The following PACRG variants were observed in gnomAD, a reference collection of about 807,000 sequenced individuals.
The protein encoded by PACRG is parkin coregulated gene protein.
Under a neutral mutation model 29.7 loss-of-function variants are expected in PACRG, and 29 were observed. That is an observed-to-expected ratio of 0.98 (90% CI 0.73 to 1.33). The LOEUF is 1.33. Among genes scored for constraint, PACRG ranks in the 40% most tolerant of loss-of-function variants. The probability of loss-of-function intolerance (pLI) is 0.00; values close to 1 mark genes in which losing one functional copy is unlikely to be tolerated. For missense variants in PACRG, 279 were observed against 316.2 expected, an observed-to-expected ratio of 0.88 and a Z score of 0.89; for synonymous variants, 116 against 118.7, an observed-to-expected ratio of 0.98 and a Z score of 0.15.
At chr6:162,863,491 T>G (rs948311187) in intron 2 of PACRG, among the ~76,000 whole-genome samples, 9 of 152,342 alleles carry the variant, frequency 5.9e-5, no homozygotes, top group African/African-American at 2.2e-4. Context: ...AAAGGTAAAC[T>G]TGTCTCCTTT....
intron 2 of PACRG, among the ~76,000 whole-genome samples, chr6:163,024,262 G>T (rs1490458470): frequency 6.6e-6 from 1 of 152,070 alleles, no homozygotes; most frequent in Non-Finnish European, 1.5e-5. Context: ...GAAAGATAGG[G>T]GTCCAGATTC....
intron 1 of PACRG, among the ~76,000 whole-genome samples, chr6:162,804,842 T>G (rs749629874): frequency 9.2e-5 from 14 of 152,186 alleles, no homozygotes; most frequent in Non-Finnish European, 1.9e-4. Context: ...CAGTCATGTA[T>G]TCCTTAAATG....
intron 3 of PACRG, among the ~76,000 whole-genome samples, chr6:163,070,880 A>G (rs1811979109): frequency 6.6e-6 from 1 of 152,114 alleles, no homozygotes; most frequent in African/African-American, 2.4e-5. Flanking sequence ...GCCAATGGAA[A>G]CCAAAAAAGA....
intron 2 of PACRG, among the ~76,000 whole-genome samples, chr6:163,059,401 T>C (rs1211403503): frequency 6.6e-6 from 1 of 152,126 alleles, no homozygotes; most frequent in South Asian, 2.1e-4. Flanking sequence ...AGAGAGACAC[T>C]TAAAATCTAA....
chr6:162,767,275 T>C (rs555903369), intron 1 of PACRG, among the ~76,000 whole-genome samples: 1 of 151,996 alleles, frequency 6.6e-6, no homozygotes, highest in South Asian at 2.1e-4. Context: ...AGTTTTCCAC[T>C]GTTATGATAG....
intron 2 of PACRG, among the ~76,000 whole-genome samples, chr6:162,954,184 TCA>T (rs1363976621): frequency 1.3e-5 from 2 of 152,222 alleles, no homozygotes; most frequent in East Asian, 1.9e-4. Flanking sequence ...ATGAAATGTT[TCA>T]GTTTGTATGT....
At chr6:162,805,246 T>C (rs1376202652) in intron 1 of PACRG, among the ~76,000 whole-genome samples, 1 of 152,226 alleles carries the variant, frequency 6.6e-6, no homozygotes, top group Non-Finnish European at 1.5e-5. Flanking sequence ...ATATCTCAGT[T>C]CAGAGAGTCA....
chr6:162,912,926 A>AAAC (rs1426137830), intron 2 of PACRG, among the ~76,000 whole-genome samples: 149 of 145,130 alleles, frequency 1.0e-3, no homozygotes, highest in Admixed American at 2.4e-3. Context: ...AACAAACAAA[A>AAAC]AAAAAAAAAA....
intron 1 of PACRG, among the ~76,000 whole-genome samples, chr6:162,794,774 T>C (rs933138433): frequency 5.9e-5 from 9 of 152,212 alleles, no homozygotes; most frequent in African/African-American, 2.2e-4. Context: ...TGAACACCTG[T>C]TCTGTACCAT....
chr6:163,085,338 T>G (rs1813457661), intron 3 of PACRG, among the ~76,000 whole-genome samples: 1 of 152,102 alleles, frequency 6.6e-6, no homozygotes, highest in African/African-American at 2.4e-5. Context: ...AGGAGTGGGA[T>G]GGGAAGGAGA....
intron 1 of PACRG, among the ~76,000 whole-genome samples, chr6:162,792,442 A>T (rs1000872028): frequency 8.5e-5 from 13 of 152,122 alleles, no homozygotes; most frequent in African/African-American, 3.1e-4. Context: ...GGATATATGA[A>T]GTCTGGAATT....
chr6:162,833,599 C>G (rs1482764453), intron 2 of PACRG, among the ~76,000 whole-genome samples: 1 of 152,058 alleles, frequency 6.6e-6, no homozygotes, highest in African/African-American at 2.4e-5. Flanking sequence ...ATTTGCATTT[C>G]TGTAATCATC....
intron 4 of PACRG, among the ~76,000 whole-genome samples, chr6:163,136,560 A>T (rs1160359170): frequency 6.6e-6 from 1 of 152,066 alleles, no homozygotes. Context: ...ATGTTTTTAA[A>T]TTTTTTCCAT....
chr6:163,029,642 A>G (rs1411211582), intron 2 of PACRG, among the ~76,000 whole-genome samples: 2 of 152,186 alleles, frequency 1.3e-5, no homozygotes, highest in African/African-American at 2.4e-5. Flanking sequence ...AGACAAAAGG[A>G]AAGTTTCGTC....
intron 2 of PACRG, among the ~76,000 whole-genome samples, chr6:163,028,187 C>G (rs578033054): frequency 2.0e-5 from 3 of 152,248 alleles, no homozygotes; most frequent in African/African-American, 7.2e-5. Flanking sequence ...TCCAATAAGC[C>G]AGGAAATTAT....
chr6:163,207,377 A>G (rs555265669), intron 4 of PACRG, among the ~76,000 whole-genome samples: 1 of 152,372 alleles, frequency 6.6e-6, no homozygotes, highest in African/African-American at 2.4e-5. Context: ...CAAATGATCA[A>G]TGAGCAAAGA....
intron 3 of PACRG, among the ~76,000 whole-genome samples, chr6:163,074,207 T>C (rs1006458817): frequency 6.6e-6 from 1 of 152,134 alleles, no homozygotes; most frequent in African/African-American, 2.4e-5. Flanking sequence ...AAAAAAAATA[T>C]GGTACATAAA....
rs1371291361 is a variant in PACRG, at chr6:163,196,921, AGACAGATAGATAGATAGATAGAT to A, written c.613+107514_613+107536del. ...TGTAGACAGACTAGACAGACAGACT[AGACAGATAGATAGATAGATAGAT>A]AGATAGATAGATAGATAGATAGATA... On this transcript the variant is annotated intron_variant, in intron 4 of 4. Transcript: ENST00000366888. 2.9e-3 allele frequency among the ~76,000 whole-genome samples: 371 copies of A among 127,190 alleles called. 2 individuals carry two copies. The highest frequency in any genetic ancestry group is 0.028 in the South Asian group (100 of 3,592). 83.4% of individuals were successfully genotyped at this position (127,190 alleles called of 152,430 possible).
At chr6:162,978,137 C>T (rs1802109462) in intron 2 of PACRG, among the ~76,000 whole-genome samples, 1 of 109,188 alleles carries the variant, frequency 9.2e-6, no homozygotes, top group South Asian at 3.3e-4. Context: ...GAGTGAGACT[C>T]CATCTCAAAA....
Sources: gnomAD v4.1 joint callset for allele counts (sites outside exome capture counted in the v4.1 genomes callset) on GRCh38, gnomAD v4.1.1 for gene constraint, MANE v1.5 for transcripts, NCBI Gene and HGNC (gene_info 2026-07-23, HGNC 2026-07-21) for gene names.